The following IDUA variants were observed in gnomAD, a reference collection of about 807,000 sequenced individuals.
IDUA encodes the protein iduronidase alpha-L-.
IDUA carries 65 observed loss-of-function variants against 68.9 expected under a neutral mutation model. The observed-to-expected ratio is 0.94, with a 90% confidence interval of 0.77 to 1.16. The LOEUF (loss-of-function observed/expected upper bound fraction) is 1.16. Ranked by LOEUF, IDUA falls within the 50% of genes most tolerant of loss-of-function variation. The pLI is 0.00. For synonymous variants in IDUA, 529 were observed against 433.6 expected (o/e 1.22, Z -2.73); for missense variants, 1,046 against 938.0 (o/e 1.12, Z -1.50).
At chr4:991,816 G>A in intron 2 of IDUA, 11 of 1,533,536 alleles carry the variant, frequency 7.2e-6, no homozygotes, top group Non-Finnish European at 9.6e-6. Flanking sequence ...GGCCCCTTGG[G>A]GCGGACCCCT....
chr4:998,915 C>T (rs1369316261), intron 2 of IDUA, among the ~76,000 whole-genome samples: 1 of 152,060 alleles, frequency 6.6e-6, no homozygotes, highest in Non-Finnish European at 1.5e-5. Context: ...TCTTCCAGCT[C>T]CCACCCTGAC....
At chr4:989,512 C>G in intron 2 of IDUA, 1 of 1,553,232 alleles carries the variant, frequency 6.4e-7, no homozygotes. Context: ...GGCCGCGGTG[C>G]CTGCCCAGAC....
At position 987,763 on chromosome 4, in the gene IDUA, A is replaced by T; in HGVS notation, c.159-46A>T. On this transcript the variant is annotated intron_variant, in intron 1 of 13. Transcript: ENST00000514224. Reference sequence around the variant, plus strand: ...GAACGTGTGTGTCAGCCGCGCTGCCAGCCATGCTGAGGCTCGGGACTGAGC... The same window carrying T: ...GAACGTGTGTGTCAGCCGCGCTGCCTGCCATGCTGAGGCTCGGGACTGAGC... The T allele has an allele frequency of 1.9e-6, 3 of 1,610,258 alleles. No individual in the cohort carries two copies. The South Asian group carries it at 3.3e-5, about 18-fold the overall frequency.
At chr4:989,080 A>G in intron 2 of IDUA, 4 of 1,595,612 alleles carry the variant, frequency 2.5e-6, no homozygotes, top group Non-Finnish European at 3.4e-6. Context: ...GTCTAGGAAC[A>G]GCAGCGGGGC....
intron 2 of IDUA, chr4:990,256 A>C: frequency 6.3e-7 from 1 of 1,590,198 alleles, no homozygotes; most frequent in Non-Finnish European, 8.5e-7. Flanking sequence ...CAGGTGTTTG[A>C]GCTGCGAGGT....
chr4:988,968 C>T (rs765432675), intron 2 of IDUA: 5 of 1,596,598 alleles, frequency 3.1e-6, no homozygotes, highest in Non-Finnish European at 4.3e-6. Flanking sequence ...CTCCTCTGCT[C>T]AGAATGTCTC....
intron 7 of IDUA, 44 bp from the exon 8 acceptor site, chr4:1,002,225 C>T: frequency 2.5e-6 from 4 of 1,580,932 alleles, no homozygotes; most frequent in Non-Finnish European, 3.4e-6. Flanking sequence ...GACAGGCGAG[C>T]GGTGGCCGCG....
At chr4:993,111 A>C (rs1022874099) in intron 2 of IDUA, among the ~76,000 whole-genome samples, 1 of 151,986 alleles carries the variant, frequency 6.6e-6, no homozygotes, top group Non-Finnish European at 1.5e-5. Context: ...ACCCCACCAC[A>C]CTGGGTCCCT....
At chr4:1,001,347 C>A in intron 4 of IDUA, 121 bp from the exon 5 acceptor site, 1 of 881,830 alleles carries the variant, frequency 1.1e-6, no homozygotes, top group Non-Finnish European at 1.9e-6. Context: ...GGGAGGCTGG[C>A]CTGCATGGAG....
rs59716967 is a variant in IDUA, at chr4:1,001,121, G to C, written c.493+132G>C. 864 of 712,648 alleles carry C rather than the reference G, an allele frequency of 1.2e-3. 9 individuals are homozygous for C. In the African/African-American group the frequency reaches 0.013, roughly 11 times the overall value. The allele number at this position is 712,648 out of a possible 1,614,324, so 44.1% of individuals were successfully genotyped here. On this transcript the variant is annotated intron_variant, in intron 4 of 13. Transcript: ENST00000514224. ...CAGGCGCAGGCCCTTGTGGGGGGAT[G>C]GGGGTGACAAGGGATAGGTTGGTGG... is the stretch of plus-strand genomic sequence containing the variant.
chr4:1,001,036 C>A, intron 4 of IDUA, 47 bp downstream of exon 4: 1 of 1,376,884 alleles, frequency 7.3e-7, no homozygotes, highest in Non-Finnish European at 1.0e-6. Context: ...GGGGGTACTC[C>A]TGGGCAGGTT....
intron 2 of IDUA, chr4:991,360 A>G: frequency 1.9e-6 from 3 of 1,612,836 alleles, no homozygotes; most frequent in Non-Finnish European, 2.5e-6. Flanking sequence ...TGAGGTGCCC[A>G]TGAGGAAGTA....
At chr4:987,322 T>C in intron 1 of IDUA, 80 bp downstream of exon 1, 13 of 1,323,634 alleles carry the variant, frequency 9.8e-6, no homozygotes, top group Non-Finnish European at 1.2e-5. Flanking sequence ...CTGTGAGAGC[T>C]TCAGAGACCG....
rs1246088500 is a variant in IDUA at position 992,271 on chromosome 4, G to C, written c.299+4322G>C. On this transcript the variant is annotated intron_variant, in intron 2 of 13. Coordinates refer to ENST00000514224, the MANE Select transcript of IDUA (RefSeq NM_000203.5). ...TGCTGTCCACCCCATGCCCACACCA[G>C]AGCCCTCCCTCCCCCATCCAAACCA... 11 of 449,926 alleles carry C rather than the reference G, an allele frequency of 2.4e-5. No individual in the cohort carries two copies. In the East Asian group the frequency reaches 4.9e-4, roughly 20 times the overall value. 27.9% of individuals were successfully genotyped at this position (449,926 alleles called of 1,614,324 possible).
At chr4:996,514 T>C (rs1714751932) in intron 2 of IDUA, among the ~76,000 whole-genome samples, 1 of 152,192 alleles carries the variant, frequency 6.6e-6, no homozygotes, top group African/African-American at 2.4e-5. Context: ...GGTGGAGGTT[T>C]CCAGAGGCTG....
At chr4:988,562 G>A (rs1270547646) in intron 2 of IDUA, 4 of 1,315,168 alleles carry the variant, frequency 3.0e-6, no homozygotes, top group Admixed American at 3.7e-5. Context: ...CATCCCTCCT[G>A]AGCTGAGGGA....
At chr4:993,104 C>T (rs1411862426) in intron 2 of IDUA, among the ~76,000 whole-genome samples, 11 of 152,146 alleles carry the variant, frequency 7.2e-5, no homozygotes, top group Non-Finnish European at 8.8e-5. Flanking sequence ...CTGGAAGACC[C>T]CACCACACTG....
rs768223340 is a variant in IDUA, at chr4:1,003,557, G to A, written c.1659G>A (p.Arg553=). 1 of 1,611,972 alleles carries A rather than the reference G, an allele frequency of 6.2e-7. No homozygotes were observed. The highest frequency in any genetic ancestry group is 1.1e-5 in the South Asian group (1 of 91,072). The change falls in exon 12 of 14, where the codon CGG becomes CGA. Residue 553 remains arginine (R), a synonymous_variant. Transcript: ENST00000514224. Reference sequence around the variant, plus strand: ...GCCCTTCCCTCCCCCAGGTCACGCGGCTCCGCGCCCTGCCCCTGACCCAAG... The same window carrying A: ...GCCCTTCCCTCCCCCAGGTCACGCGACTCCGCGCCCTGCCCCTGACCCAAG... The part of the protein sequence containing the change: ...RPEKPPGQVT[R]LRALPLTQGQ...
rs1164184714 is a variant in IDUA, at chr4:991,085, G to A, written c.299+3136G>A. The stretch of plus-strand genomic sequence containing the variant: ...TCGTGGATGGCCAAAACCTAAGGGG[G>A]GGTGCCCTGGGCCCCTCCCTGTGCC... On this transcript the variant is annotated intron_variant, in intron 2 of 13. Transcript: ENST00000514224. 9 of 1,504,026 alleles carry A rather than the reference G, an allele frequency of 6.0e-6. 1 individual carries two copies. In the East Asian group the frequency reaches 2.1e-4, roughly 34 times the overall value. 93.2% of individuals were successfully genotyped at this position (1,504,026 alleles called of 1,614,324 possible). A position where few individuals can be genotyped will look rare whatever the true frequency, so the allele number is the denominator to read the frequency against.
Sources: allele counts gnomAD v4.1 joint callset (sites outside exome capture counted in the v4.1 genomes callset), GRCh38; gene constraint gnomAD v4.1.1; transcripts MANE v1.5; gene names NCBI Gene and HGNC (gene_info 2026-07-23, HGNC 2026-07-21).